Variants in KCNE3 observed in about 807,000 individuals in gnomAD.
KCNE3 encodes potassium voltage-gated channel subfamily E regulatory subunit 3.
In KCNE3, 2 loss-of-function variants were observed where a neutral mutation model predicts 4.3. The ratio of observed to expected loss-of-function variants is 0.47; its 90% CI spans 0.19 to 1.48. The LOEUF (loss-of-function observed/expected upper bound fraction) is 1.48, where lower values mean the gene tolerates loss of function less well. Among genes scored for constraint, KCNE3 ranks in the 40% most tolerant of loss-of-function variants. KCNE3 has a pLI of 0.25. For synonymous variants in KCNE3, 47 were observed against 52.0 expected, an observed-to-expected ratio of 0.90 and a Z score of 0.41; for missense variants, 128 against 136.8, an observed-to-expected ratio of 0.94 and a Z score of 0.32.
intron 1 of KCNE3, among the ~76,000 whole-genome samples, chr11:74,463,858 C>T (rs528148638): frequency 7.9e-5 from 12 of 152,300 alleles, no homozygotes; most frequent in African/African-American, 2.9e-4. Flanking sequence ...CACACCTAAG[C>T]TTCACATCAC....
chr11:74,461,428 C>T (rs944302682), intron 2 of KCNE3, among the ~76,000 whole-genome samples: 13 of 151,892 alleles, frequency 8.6e-5, no homozygotes, highest in Admixed American at 3.3e-4. Context: ...GTCAGGAGTT[C>T]GAGACCAGCC....
chr11:74,455,245 T>C lies in KCNE3; in HGVS notation c.*2007A>G, dbSNP rs1434499300. 6.6e-6 allele frequency: 1 copy of C among 152,208 alleles called. No individual in the cohort carries two copies. The highest frequency in any genetic ancestry group is 2.4e-5 in the African/African-American group (1 of 41,452). The allele number at this position is 152,208 out of a possible 1,614,324, so 9.4% of individuals were successfully genotyped here. A position where few individuals can be genotyped will look rare whatever the true frequency, so the allele number is the denominator to read the frequency against. On this transcript the variant is annotated 3_prime_UTR_variant, in exon 3 of 3. Transcript: ENST00000310128. ...AGAGATAACTGCTGTCAGAATATTATTTCAGAGTTCTGCTATACACAAATA... is the reference window on the plus strand; with the variant it reads ...AGAGATAACTGCTGTCAGAATATTACTTCAGAGTTCTGCTATACACAAATA...
Position 74,457,441 on chromosome 11 carries a change from G to A in KCNE3, c.123C>T (p.Asn41=), listed in dbSNP as rs1176835934. The change falls in exon 3 of 3, where the codon AAC becomes AAT. Residue 41 remains asparagine, a synonymous_variant. Transcript: ENST00000310128. The stretch of plus-strand genomic sequence containing the variant: ...GGCTGGCCCGCCTCTCTTCAGTCTG[G>A]TTGTCTGGCCCCAGCCCTGGCCCTG... ...CRPGPGLGPD[N]QTEERRASLP... The A allele has an allele frequency of 1.2e-6, 2 of 1,613,970 alleles. No individual in the cohort carries two copies. Among genetic ancestry groups the A allele is most frequent in the Non-Finnish European group, 1.7e-6 (2 of 1,179,832 alleles).
chr11:74,460,139 C>T (rs995717108), intron 2 of KCNE3, among the ~76,000 whole-genome samples: 1 of 152,146 alleles, frequency 6.6e-6, no homozygotes, highest in Non-Finnish European at 1.5e-5. Flanking sequence ...TCATGCAAGG[C>T]CTTTGGGGCC....
Position 74,457,620 on chromosome 11 carries a change from A to T in KCNE3, c.-40-17T>A. ...GTAGAAGCTCTGGTGGCAAAAGAAA[A>T]GAGAGAGGGGATGGCTCTGTCACCT... On this transcript the variant is annotated splice_polypyrimidine_tract_variant and intron_variant, in intron 2 of 2. Transcript: ENST00000310128. 2 of 1,517,666 alleles carry T rather than the reference A, an allele frequency of 1.3e-6. No individual in the cohort carries two copies. The highest frequency in any genetic ancestry group is 1.8e-6 in the Non-Finnish European group (2 of 1,092,834). 94.0% of individuals were successfully genotyped at this position (1,517,666 alleles called of 1,614,324 possible).
At position 74,457,505 on chromosome 11, in the gene KCNE3, G is replaced by A. The variant is rs1203931022; in HGVS notation, c.59C>T (p.Ala20Val). 2 of 1,614,202 alleles carry A rather than the reference G, an allele frequency of 1.2e-6. No homozygotes were observed. The highest frequency in any genetic ancestry group is 3.3e-5 in the Admixed American group (2 of 60,028). Residue 20 changes from alanine (A) to valine (V), a missense_variant, in exon 3 of 3, where the codon GCT becomes GTT. Physicochemically the swap from Ala to Val is moderately conservative, Grantham distance 64. Transcript: ENST00000310128. ...ATTGCTGTGAAGAGTGGCATTTAGAGCCTTCAGCACGGCATGCAGGCTCTC... is the reference window on the plus strand; with the variant it reads ...ATTGCTGTGAAGAGTGGCATTTAGAACCTTCAGCACGGCATGCAGGCTCTC... Reference protein sequence around the residue: ...WYESLHAVLKALNATLHSNLL... With the variant: ...WYESLHAVLKVLNATLHSNLL...
At chr11:74,466,722 T>C (rs1466296815) in intron 1 of KCNE3, among the ~76,000 whole-genome samples, 1 of 152,114 alleles carries the variant, frequency 6.6e-6, no homozygotes, top group African/African-American at 2.4e-5. Context: ...TTCTGTCCCA[T>C]GGGGTATGCA....
chr11:74,464,040 C>G (rs1864010753), intron 1 of KCNE3, among the ~76,000 whole-genome samples: 1 of 152,198 alleles, frequency 6.6e-6, no homozygotes, highest in Non-Finnish European at 1.5e-5. Flanking sequence ...CTTCCATGCA[C>G]CCCACTGCTC....
intron 1 of KCNE3, among the ~76,000 whole-genome samples, chr11:74,464,572 C>T (rs1864021107): frequency 6.6e-6 from 1 of 152,178 alleles, no homozygotes; most frequent in East Asian, 1.9e-4. Context: ...GTGCAACCCC[C>T]TCATTCAACC....
chr11:74,466,952 G>A (rs911102795), intron 1 of KCNE3, among the ~76,000 whole-genome samples: 2 of 152,226 alleles, frequency 1.3e-5, no homozygotes, highest in African/African-American at 4.8e-5. Flanking sequence ...GACACAGTGA[G>A]GTGTAGAGGG....
Position 74,467,136 on chromosome 11 carries a change from C to G in KCNE3, c.-190+262G>C, listed in dbSNP as rs1309789271. 6.6e-6 allele frequency among the ~76,000 whole-genome samples: 1 copy of G among 152,220 alleles called. No individual in the cohort carries two copies. Among genetic ancestry groups the G allele is most frequent in the Admixed American group, 6.5e-5 (1 of 15,290 alleles). ...GTCTTGAGGGCTGGGAATAACGGCG[C>G]AAGTCCCCACGGTTTCCAGACGGGG... On this transcript the variant is annotated intron_variant, in intron 1 of 2. Transcript: ENST00000310128. This position sits in a 1 kb window ranked among gnomAD's most constrained non-coding sequence, Gnocchi z 4.4.
At chr11:74,462,694 T>G (rs1591229265) in intron 1 of KCNE3, 1 of 152,210 alleles carries the variant, frequency 6.6e-6, no homozygotes, top group Non-Finnish European at 1.5e-5. Context: ...TGGTTGTTTT[T>G]GTAGAGCAAG....
intron 2 of KCNE3, among the ~76,000 whole-genome samples, chr11:74,461,418 G>A (rs571826784): frequency 6.6e-6 from 1 of 152,004 alleles, no homozygotes; most frequent in South Asian, 2.1e-4. Flanking sequence ...GTCACCTGAG[G>A]TCAGGAGTTC....
rs12786684 is a variant in KCNE3, at chr11:74,459,464, A to G, written c.-40-1861T>C. Among the ~76,000 whole-genome samples the G allele has an allele frequency of 3.9e-4, 60 of 152,070 alleles. No homozygotes were observed. The East Asian group carries it at 4.3e-3, about 11-fold the overall frequency. On this transcript the variant is annotated intron_variant, in intron 2 of 2. Transcript: ENST00000310128. ...TTTTTAGTAGAGACAGGGTTTCACC[A>G]TGTTAGCCAGGATGGTCTCGATCTC...
chr11:74,467,310 CGCCGTG>C lies in KCNE3; in HGVS notation c.-190+82_-190+87del, dbSNP rs1565463722. ...CGGTTCCACAGTCTCACGGAGAGCG[CGCCGTG>C]GCCCTTGGAAGGGAGGCGGGAAGAC... On this transcript the variant is annotated intron_variant, in intron 1 of 2. Transcript: ENST00000310128. The surrounding 1 kb of genome is among the most constrained non-coding windows in gnomAD (Gnocchi z 4.4). The C allele has an allele frequency of 2.6e-5, 4 of 152,638 alleles. No homozygotes were observed. The highest frequency in any genetic ancestry group is 9.7e-5 in the African/African-American group (4 of 41,446). 9.5% of individuals were successfully genotyped at this position (152,638 alleles called of 1,614,324 possible).
At chr11:74,463,468 A>G (rs576021732) in intron 1 of KCNE3, among the ~76,000 whole-genome samples, 1 of 152,150 alleles carries the variant, frequency 6.6e-6, no homozygotes, top group Admixed American at 6.5e-5. Context: ...CAAGCTGGGG[A>G]CTGGCAGTCA....
Position 74,460,404 on chromosome 11 carries a change from C to G in KCNE3, c.-41+1551G>C, listed in dbSNP as rs550641985. The stretch of plus-strand genomic sequence containing the variant: ...ACCCTGTGATGGGAGTTCGGGGTGG[C>G]TCAGATCCAGTGCCTTCGCCCAGGG... On this transcript the variant is annotated intron_variant, in intron 2 of 2. Transcript: ENST00000310128. Among the ~76,000 whole-genome samples the G allele has an allele frequency of 2.1e-4, 32 of 152,322 alleles. No individual in the cohort carries two copies. In the South Asian group the frequency reaches 6.6e-3, roughly 32 times the overall value.
In KCNE3 at chr11:74,456,549, G is replaced by T. The variant is rs1375450054; in HGVS notation, c.*703C>A. ...AGCTCCTTCTTAAGGTCCTAGCAGG[G>T]GCCCTAGCAACATATTAATGTGGCA... On this transcript the variant is annotated 3_prime_UTR_variant, in exon 3 of 3. Transcript: ENST00000310128. 6.6e-6 allele frequency: 1 copy of T among 152,402 alleles called. No homozygotes were observed. Among genetic ancestry groups the T allele is most frequent in the Non-Finnish European group, 1.5e-5 (1 of 68,322 alleles). The allele number at this position is 152,402 out of a possible 1,614,324, so 9.4% of individuals were successfully genotyped here.
chr11:74,466,167 G>A lies in KCNE3; in HGVS notation c.-190+1231C>T, dbSNP rs960498423. On this transcript the variant is annotated intron_variant, in intron 1 of 2. Coordinates refer to ENST00000310128, the MANE Select transcript of KCNE3 (RefSeq NM_005472.5). ...ACTAGGCCAACACGTCTAGCCGTGC[G>A]TTTTGGTTAAGTAACTTTATCACTC... Among the ~76,000 whole-genome samples the A allele has an allele frequency of 5.3e-5, 8 of 152,154 alleles. No homozygotes were observed. The East Asian group carries it at 1.2e-3, about 22-fold the overall frequency.
Sources: gnomAD v4.1 joint callset for allele counts (sites outside exome capture counted in the v4.1 genomes callset) on GRCh38, gnomAD v4.1.1 for gene constraint, Gnocchi (gnomAD v3.1) non-coding constraint, MANE v1.5 for transcripts, NCBI Gene and HGNC (gene_info 2026-07-23, HGNC 2026-07-21) for gene names.